The following PDE2A variants were observed in gnomAD, a reference collection of about 807,000 sequenced individuals.
The protein encoded by PDE2A is phosphodiesterase 2A.
Under a neutral mutation model 133.6 loss-of-function variants are expected in PDE2A, and 53 were observed. The observed-to-expected ratio is 0.40, with a 90% CI of 0.32 to 0.50. The LOEUF (loss-of-function observed/expected upper bound fraction) is 0.50. PDE2A is among the 20% of genes least tolerant of loss of function. PDE2A has a pLI of 0.73. For missense variants in PDE2A, 796 were observed against 1,232.4 expected (o/e 0.65, Z 5.30); for synonymous variants, 491 against 490.2 (o/e 1.00, Z -0.02).
At chr11:72,644,561 G>A (rs543189917) in intron 1 of PDE2A, among the ~76,000 whole-genome samples, 5 of 152,246 alleles carry the variant, frequency 3.3e-5, no homozygotes, top group South Asian at 2.1e-4. Context: ...ACAGGTGCCC[G>A]GGAGGTATCT....
Position 72,590,819 on chromosome 11 carries a change from T to C in PDE2A, c.550-239A>G, listed in dbSNP as rs1856213296. ...AGGGTACAGGGTCTATCTCCATCCC[T>C]AGCCCCTAGATTCTTCCAAGACAAG... On this transcript the variant is annotated intron_variant, in intron 7 of 30. Coordinates refer to ENST00000334456, the MANE Select transcript of PDE2A (RefSeq NM_002599.5). This position sits in a 1 kb window ranked among gnomAD's most constrained non-coding sequence, Gnocchi z 4.8. 2 of 419,426 alleles carry C rather than the reference T, an allele frequency of 4.8e-6. No individual in the cohort carries two copies. The highest frequency in any genetic ancestry group is 8.3e-6 in the Non-Finnish European group (2 of 240,282). The allele number at this position is 419,426 out of a possible 1,614,324, so 26.0% of individuals were successfully genotyped here.
At position 72,591,300 on chromosome 11, in the gene PDE2A, C is replaced by CAT; in HGVS notation, c.545_546insAT (p.His183CysfsTer111). 2 of 1,613,472 alleles carry CAT rather than the reference C, an allele frequency of 1.2e-6. No individual in the cohort carries two copies. The highest frequency in any genetic ancestry group is 1.7e-6 in the Non-Finnish European group (2 of 1,179,396). ...ACATGGCCCCACTCCCACTCACATG[C>CAT]TTCTCCACCGCCTGCAGGCTCCATT... On this transcript the variant is annotated frameshift_variant, in exon 7 of 31. Coordinates refer to ENST00000334456, the MANE Select transcript of PDE2A (RefSeq NM_002599.5). LOFTEE classifies it high-confidence loss of function.
chr11:72,596,484 T>TCACACACA (rs60716742), intron 6 of PDE2A, 109 bp downstream of exon 6: 420 of 192,158 alleles, frequency 2.2e-3, no homozygotes, highest in East Asian at 4.1e-3. Flanking sequence ...TCTCTCTCTC[T>TCACACACA]CACACACACA....
intron 6 of PDE2A, among the ~76,000 whole-genome samples, chr11:72,593,821 C>G (rs900707210): frequency 2.0e-5 from 3 of 152,276 alleles, no homozygotes; most frequent in African/African-American, 7.2e-5. Flanking sequence ...GGCGTCGCCA[C>G]TGGACCCCAG....
At chr11:72,631,089 C>T (rs1001792595) in intron 2 of PDE2A, 17 of 1,544,568 alleles carry the variant, frequency 1.1e-5, no homozygotes, top group Admixed American at 2.0e-5. Flanking sequence ...TCCAGTCGGT[C>T]GTCTCTACTC....
chr11:72,624,209 C>T (rs142349175), intron 2 of PDE2A, among the ~76,000 whole-genome samples: 1 of 152,100 alleles, frequency 6.6e-6, no homozygotes, highest in African/African-American at 2.4e-5. Flanking sequence ...TCTTGAACTC[C>T]TGACCTCAGG....
chr11:72,579,800 C>T (rs991327907), intron 25 of PDE2A, 192 bp from the exon 26 acceptor site: 4 of 579,218 alleles, frequency 6.9e-6, no homozygotes, highest in South Asian at 4.5e-5. Context: ...AGGGTGAGTC[C>T]CTAGACCACT....
intron 12 of PDE2A, 62 bp from the exon 13 acceptor site, chr11:72,588,976 C>A (rs147678111): frequency 1.9e-6 from 3 of 1,544,954 alleles, no homozygotes; most frequent in Non-Finnish European, 2.6e-6. Flanking sequence ...CTCCTCCAGC[C>A]CTCCATCACA....
At chr11:72,586,017 G>A (rs967245377) in intron 14 of PDE2A, 53 bp downstream of exon 14, 41 of 1,051,172 alleles carry the variant, frequency 3.9e-5, no homozygotes, top group African/African-American at 2.0e-4. Context: ...GGCTCTCGGG[G>A]CTGAAAACTG....
At chr11:72,672,620 C>T (rs976784499) in intron 1 of PDE2A, among the ~76,000 whole-genome samples, 16 of 152,032 alleles carry the variant, frequency 1.1e-4, no homozygotes, top group Admixed American at 2.0e-4. Flanking sequence ...GTCCTGCCTG[C>T]CCCCCACTCT....
intron 7 of PDE2A, chr11:72,591,051 T>C (rs1856225991): frequency 4.0e-6 from 2 of 502,148 alleles, no homozygotes; most frequent in East Asian, 6.6e-5. Context: ...CCGTGTGTAT[T>C]TACAAGATAT....
chr11:72,650,314 C>T (rs192685356), intron 1 of PDE2A, among the ~76,000 whole-genome samples: 13 of 130,070 alleles, frequency 1.0e-4, no homozygotes, highest in Non-Finnish European at 1.9e-4. Context: ...TGAGCCACCG[C>T]GTGTAGCCAA....
intron 1 of PDE2A, among the ~76,000 whole-genome samples, chr11:72,648,377 G>A: frequency 6.6e-6 from 1 of 152,210 alleles, no homozygotes; most frequent in South Asian, 2.1e-4. Context: ...AGCCCTCACA[G>A]AGAGAGGATG....
At chr11:72,604,935 T>C (rs764061768) in intron 4 of PDE2A, among the ~76,000 whole-genome samples, 1 of 152,260 alleles carries the variant, frequency 6.6e-6, no homozygotes, top group Admixed American at 6.5e-5. Context: ...TCTCTGTGCC[T>C]ATCCATTTCC....
At chr11:72,656,425 T>C (rs1854903872) in intron 1 of PDE2A, among the ~76,000 whole-genome samples, 1 of 152,132 alleles carries the variant, frequency 6.6e-6, no homozygotes, top group Admixed American at 6.5e-5. Context: ...CAAAGGCTCC[T>C]GAGAGACGGA....
intron 13 of PDE2A, 73 bp downstream of exon 13, chr11:72,588,711 T>C (rs1856091545): frequency 6.8e-7 from 1 of 1,463,352 alleles, no homozygotes; most frequent in Non-Finnish European, 9.4e-7. Flanking sequence ...CCATCCCACA[T>C]TGTTACCCTC....
At position 72,593,854 on chromosome 11, in the gene PDE2A, G is replaced by A. The variant is rs183873637; in HGVS notation, c.490-2498C>T. 4.9e-4 allele frequency among the ~76,000 whole-genome samples: 75 copies of A among 152,350 alleles called. No homozygotes were observed. In the East Asian group the frequency reaches 0.014, roughly 28 times the overall value. On this transcript the variant is annotated intron_variant, in intron 6 of 30. Coordinates refer to ENST00000334456, the MANE Select transcript of PDE2A (RefSeq NM_002599.5). ...CAGCATTCCTTTGCAGGACTCCCTC[G>A]AGGGGTTTCCTTGCTAGCACTTGCC...
At chr11:72,641,488 A>C (rs1209491270) in intron 2 of PDE2A, among the ~76,000 whole-genome samples, 4 of 152,250 alleles carry the variant, frequency 2.6e-5, no homozygotes, top group African/African-American at 4.8e-5. Context: ...ACCAAGATAG[A>C]CCAAGAGAGG....
intron 2 of PDE2A, 50 bp downstream of exon 2, chr11:72,642,204 G>C: frequency 7.2e-7 from 1 of 1,394,880 alleles, no homozygotes; most frequent in South Asian, 1.6e-5. Context: ...CCGGCCCGGC[G>C]CTCGCCGGAC....
Sources: gnomAD v4.1 joint callset for allele counts (sites outside exome capture counted in the v4.1 genomes callset) on GRCh38, gnomAD v4.1.1 for gene constraint, Gnocchi (gnomAD v3.1) non-coding constraint, MANE v1.5 for transcripts, NCBI Gene and HGNC (gene_info 2026-07-23, HGNC 2026-07-21) for gene names.